The following RPTOR variants were observed in gnomAD, a reference collection of about 807,000 sequenced individuals.
RPTOR encodes regulatory associated protein of MTOR complex 1.
In RPTOR, 21 loss-of-function variants were observed where a neutral mutation model predicts 169.9. The ratio of observed to expected loss-of-function variants is 0.12; its 90% CI spans 0.09 to 0.18. The LOEUF (loss-of-function observed/expected upper bound fraction) is 0.18, where lower values mean the gene tolerates loss of function less well. Ranked by LOEUF, RPTOR falls within the 10% of genes least tolerant of loss-of-function variation. RPTOR has a pLI of 1.00. For synonymous variants in RPTOR, 732 were observed against 753.2 expected (o/e 0.97, Z 0.46); for missense variants, 1,133 against 1,855.9 (o/e 0.61, Z 7.16).
At chr17:80,788,724 T>TA (rs997766975) in intron 6 of RPTOR, among the ~76,000 whole-genome samples, 6 of 152,234 alleles carry the variant, frequency 3.9e-5, no homozygotes, top group African/African-American at 1.2e-4. Flanking sequence ...ATGTGACGAT[T>TA]AAAAAAATCA....
chr17:80,895,273 T>C (rs1344243866), intron 20 of RPTOR, among the ~76,000 whole-genome samples: 1 of 152,162 alleles, frequency 6.6e-6, no homozygotes, highest in Non-Finnish European at 1.5e-5. Flanking sequence ...CGCTCCCCTC[T>C]CATTCAGAGC....
chr17:80,865,866 G>A lies in RPTOR; in HGVS notation c.1509+7966G>A, dbSNP rs567983471. On this transcript the variant is annotated intron_variant, in intron 13 of 33. Coordinates refer to ENST00000306801, the MANE Select transcript of RPTOR (RefSeq NM_020761.3). ...ATGCAGTGCACAGAGGCTGTGCCAC[G>A]ATAGGCCCGACCCTTGGCCAAATAA... 3.3e-5 allele frequency among the ~76,000 whole-genome samples: 5 copies of A among 152,164 alleles called. No individual in the cohort carries two copies. In the East Asian group the frequency reaches 5.8e-4, roughly 18 times the overall value.
chr17:80,896,642 C>T (rs1469505273), intron 20 of RPTOR, among the ~76,000 whole-genome samples: 1 of 152,056 alleles, frequency 6.6e-6, no homozygotes, highest in Non-Finnish European at 1.5e-5. Flanking sequence ...CTCCTCAGTT[C>T]GTTTCTCAGA....
intron 3 of RPTOR, among the ~76,000 whole-genome samples, chr17:80,691,361 T>G (rs889324737): frequency 6.4e-5 from 9 of 140,644 alleles, no homozygotes; most frequent in Admixed American, 6.9e-5. Context: ...GTGGCCACCC[T>G]GTTGAAGGCA....
intron 14 of RPTOR, among the ~76,000 whole-genome samples, chr17:80,881,872 A>G (rs1567965307): frequency 6.6e-6 from 1 of 152,236 alleles, no homozygotes; most frequent in Non-Finnish European, 1.5e-5. Flanking sequence ...ACTAGAAAGA[A>G]TTTGCTATGA....
intron 6 of RPTOR, chr17:80,773,681 T>C: frequency 5.8e-6 from 3 of 519,188 alleles, no homozygotes; most frequent in Non-Finnish European, 7.4e-6. Flanking sequence ...GGCTCCTAGA[T>C]GTTATTTGGA....
intron 1 of RPTOR, among the ~76,000 whole-genome samples, chr17:80,590,981 G>T (rs1321837686): frequency 6.6e-6 from 1 of 151,854 alleles, no homozygotes; most frequent in Non-Finnish European, 1.5e-5. Flanking sequence ...TGTCTTCTAT[G>T]CCTTTATGAG....
At chr17:80,826,377 T>C (rs988956269) in intron 9 of RPTOR, among the ~76,000 whole-genome samples, 1 of 152,108 alleles carries the variant, frequency 6.6e-6, no homozygotes, top group Non-Finnish European at 1.5e-5. Context: ...AAGTGACACT[T>C]CCCGGCCGGC....
intron 2 of RPTOR, among the ~76,000 whole-genome samples, chr17:80,638,962 C>T (rs1044181160): frequency 5.3e-5 from 8 of 152,164 alleles, no homozygotes; most frequent in African/African-American, 7.2e-5. Context: ...CTGCAAGGGC[C>T]GCGGGTCCCG....
intron 24 of RPTOR, among the ~76,000 whole-genome samples, chr17:80,928,556 G>A (rs2068839118): frequency 1.3e-5 from 2 of 152,228 alleles, no homozygotes; most frequent in African/African-American, 2.4e-5. Flanking sequence ...CAAGGACACC[G>A]TGGTAAGGAC....
At chr17:80,941,042 CA>C (rs1327680488) in intron 25 of RPTOR, among the ~76,000 whole-genome samples, 2 of 152,236 alleles carry the variant, frequency 1.3e-5, no homozygotes, top group East Asian at 3.8e-4. Context: ...AGGCCCTACA[CA>C]TGGCGCATCC....
intron 26 of RPTOR, among the ~76,000 whole-genome samples, chr17:80,946,059 G>C (rs2271610): frequency 0.89 from 134,910 of 152,202 alleles, 60,018 homozygotes; most frequent in African/African-American, 0.95. Flanking sequence ...ACTCCCCAGT[G>C]ACACTTGTAA....
Position 80,751,851 on chromosome 17 carries a change from G to A in RPTOR, c.655-2159G>A, listed in dbSNP as rs752164258. Among the ~76,000 whole-genome samples, 6 of 152,188 alleles carry A rather than the reference G, an allele frequency of 3.9e-5. No individual in the cohort carries two copies. The South Asian group carries it at 8.3e-4, about 21-fold the overall frequency. ...CCCTCATGCTGACCGCTTGGTCCAC[G>A]ACCCCGCATTAGCAGGTGGCGCTCT... On this transcript the variant is annotated intron_variant, in intron 5 of 33. Transcript: ENST00000306801.
At position 80,823,261 on chromosome 17, in the gene RPTOR, C is replaced by G. The variant is rs753755968; in HGVS notation, c.1136+38C>G. 3.1e-6 allele frequency: 5 copies of G among 1,606,214 alleles called. No homozygotes were observed. In the East Asian group the frequency reaches 1.1e-4, roughly 36 times the overall value. ...GGATCCTCCAGGTGCCGTGCTCCCC[C>G]GCCCTCCGTGGCACTGTGATGTCAT... On this transcript the variant is annotated intron_variant, in intron 9 of 33. Coordinates refer to ENST00000306801, the MANE Select transcript of RPTOR (RefSeq NM_020761.3). This position sits in a 1 kb window ranked among gnomAD's most constrained non-coding sequence, Gnocchi z 4.5.
chr17:80,940,391 C>T lies in RPTOR; in HGVS notation c.2920-105C>T, dbSNP rs574729791. On this transcript the variant is annotated intron_variant, in intron 24 of 33. Transcript: ENST00000306801. ...CCCTTTCGTATTGGGGACTGAGCCGCGCAGGTTTTGCTATCCGAGGGGTCC... is the reference window on the plus strand; with the variant it reads ...CCCTTTCGTATTGGGGACTGAGCCGTGCAGGTTTTGCTATCCGAGGGGTCC... 35 of 844,460 alleles carry T rather than the reference C, an allele frequency of 4.1e-5. No individual in the cohort carries two copies. In the East Asian group the frequency reaches 5.4e-4, roughly 13 times the overall value. 52.3% of individuals were successfully genotyped at this position (844,460 alleles called of 1,614,324 possible).
intron 24 of RPTOR, among the ~76,000 whole-genome samples, chr17:80,934,176 G>A (rs1225493077): frequency 2.0e-5 from 3 of 151,424 alleles, no homozygotes; most frequent in Non-Finnish European, 4.4e-5. Flanking sequence ...TTTCAGATGG[G>A]GTCTCATTCT....
chr17:80,922,517 C>T (rs2068757813), intron 21 of RPTOR, among the ~76,000 whole-genome samples: 2 of 152,204 alleles, frequency 1.3e-5, no homozygotes, highest in Admixed American at 6.5e-5. Context: ...CCAGTGGATG[C>T]ATGTCCAAGA....
intron 17 of RPTOR, among the ~76,000 whole-genome samples, chr17:80,887,268 T>C (rs1388651100): frequency 8.1e-6 from 1 of 123,224 alleles, no homozygotes; most frequent in Non-Finnish European, 1.7e-5. Flanking sequence ...TCTGAGGGGG[T>C]GTGCTGACTC....
intron 7 of RPTOR, among the ~76,000 whole-genome samples, chr17:80,815,401 G>T (rs1449736417): frequency 6.6e-6 from 1 of 152,256 alleles, no homozygotes; most frequent in African/African-American, 2.4e-5. Context: ...ACAGAGAAAG[G>T]CCTCATCTGA....
Sources: gnomAD v4.1 joint callset for allele counts (sites outside exome capture counted in the v4.1 genomes callset) on GRCh38, gnomAD v4.1.1 for gene constraint, Gnocchi (gnomAD v3.1) non-coding constraint, MANE v1.5 for transcripts, NCBI Gene and HGNC (gene_info 2026-07-23, HGNC 2026-07-21) for gene names.